The following OSBPL9 variants were observed in gnomAD, a reference collection of about 807,000 sequenced individuals.
The protein encoded by OSBPL9 is oxysterol binding protein like 9.
OSBPL9 carries 40 observed loss-of-function variants against 106.6 expected under a neutral mutation model. That is an observed-to-expected ratio of 0.38 (90% CI 0.29 to 0.49). The LOEUF (loss-of-function observed/expected upper bound fraction) is 0.49. OSBPL9 is among the 20% of genes least tolerant of loss of function. OSBPL9 has a pLI of 0.97. For synonymous variants in OSBPL9, 269 were observed against 295.4 expected (o/e 0.91, Z 0.92); for missense variants, 609 against 887.2 (o/e 0.69, Z 3.98).
At chr1:51,559,362 A>T in the OSBPL9 span, among the ~76,000 whole-genome samples, 3 of 152,024 alleles carry the variant, frequency 2.0e-5, no homozygotes, top group Non-Finnish European at 4.4e-5. Context: ...AGAAGAAAAC[A>T]TGCTCGCAAG....
At chr1:51,603,109 C>T (rs905774419) in intron 2 of OSBPL9, among the ~76,000 whole-genome samples, 7 of 152,142 alleles carry the variant, frequency 4.6e-5, no homozygotes, top group Admixed American at 3.3e-4. Flanking sequence ...GAGCCATGAT[C>T]GTGCCACTGT....
chr1:51,701,187 G>A (rs1415564653), intron 3 of OSBPL9, among the ~76,000 whole-genome samples: 1 of 152,086 alleles, frequency 6.6e-6, no homozygotes, highest in Non-Finnish European at 1.5e-5. Flanking sequence ...TGATCCACCC[G>A]CCTCGGCCAC....
intron 3 of OSBPL9, among the ~76,000 whole-genome samples, chr1:51,703,675 T>C (rs538667208): frequency 1.7e-4 from 26 of 152,294 alleles, no homozygotes; most frequent in African/African-American, 5.3e-4. Flanking sequence ...TCCAACACTA[T>C]GTTGAATAGG....
intron 9 of OSBPL9, among the ~76,000 whole-genome samples, chr1:51,758,460 A>C (rs1279127473): frequency 6.6e-6 from 1 of 150,942 alleles, no homozygotes; most frequent in Non-Finnish European, 1.5e-5. Context: ...TTTGGGATCC[A>C]CTTGCTTCCT....
intron 2 of OSBPL9, among the ~76,000 whole-genome samples, chr1:51,653,268 GC>G (rs1258844849): frequency 6.6e-6 from 1 of 150,512 alleles, no homozygotes; most frequent in African/African-American, 2.5e-5. Context: ...CTAAGCACTT[GC>G]TGTTGACCTC....
the OSBPL9 span, among the ~76,000 whole-genome samples, chr1:51,534,122 T>A: frequency 6.6e-6 from 1 of 151,656 alleles, no homozygotes; most frequent in Non-Finnish European, 1.5e-5. Context: ...AAGAATCACT[T>A]GAACCCGGGA....
the OSBPL9 span, among the ~76,000 whole-genome samples, chr1:51,522,355 A>G: frequency 6.6e-6 from 1 of 152,216 alleles, no homozygotes; most frequent in Non-Finnish European, 1.5e-5. Context: ...CCAGACCACT[A>G]GTAATTTGTA....
chr1:51,646,452 G>T (rs1167331229), intron 1 of OSBPL9, among the ~76,000 whole-genome samples: 1 of 152,066 alleles, frequency 6.6e-6, no homozygotes, highest in East Asian at 1.9e-4. Flanking sequence ...ATTAATTTTT[G>T]TTATTGAATT....
At chr1:51,686,208 A>G (rs1450994200) in intron 3 of OSBPL9, among the ~76,000 whole-genome samples, 2 of 152,232 alleles carry the variant, frequency 1.3e-5, no homozygotes, top group Non-Finnish European at 2.9e-5. Context: ...TGCAGGGAGT[A>G]TAATTCTCCT....
At chr1:51,764,536 A>T (rs1275266099) in intron 11 of OSBPL9, among the ~76,000 whole-genome samples, 1 of 151,698 alleles carries the variant, frequency 6.6e-6, no homozygotes, top group East Asian at 1.9e-4. Context: ...CAACTATTGA[A>T]CCATACATAT....
At chr1:51,570,574 A>G in the OSBPL9 span, among the ~76,000 whole-genome samples, 18 of 152,198 alleles carry the variant, frequency 1.2e-4, no homozygotes, top group African/African-American at 4.3e-4. Flanking sequence ...TCACAAATGA[A>G]ATCATGCCAT....
chr1:51,538,878 T>C, the OSBPL9 span: 6,073 of 152,330 alleles, frequency 0.04, 165 homozygotes, highest in East Asian at 0.13. Context: ...TTCTTGAAAC[T>C]TTCTCGTCTC....
At chr1:51,648,971 A>G (rs1283566641) in intron 1 of OSBPL9, among the ~76,000 whole-genome samples, 3 of 152,008 alleles carry the variant, frequency 2.0e-5, no homozygotes, top group East Asian at 1.9e-4. Context: ...TAAGAATGCT[A>G]TTGCCCTCTT....
intron 2 of OSBPL9, among the ~76,000 whole-genome samples, chr1:51,653,780 A>G (rs746684638): frequency 6.6e-6 from 1 of 152,352 alleles, no homozygotes. Context: ...GCAGAGGATC[A>G]TTTGAGCCCA....
At chr1:51,521,298 C>A in the OSBPL9 span, among the ~76,000 whole-genome samples, 1 of 152,170 alleles carries the variant, frequency 6.6e-6, no homozygotes, top group Non-Finnish European at 1.5e-5. Flanking sequence ...ATTATGAAAT[C>A]TGAAAATCAT....
At chr1:51,639,797 C>T (rs1393004843) in intron 1 of OSBPL9, among the ~76,000 whole-genome samples, 7 of 134,918 alleles carry the variant, frequency 5.2e-5, no homozygotes, top group Non-Finnish European at 7.8e-5. Flanking sequence ...GTAACAGATT[C>T]GGGGAGGCAT....
chr1:51,624,551 C>T (rs1247411390), intron 1 of OSBPL9, among the ~76,000 whole-genome samples: 1 of 151,856 alleles, frequency 6.6e-6, no homozygotes, highest in East Asian at 1.9e-4. Context: ...CGCCACTGCA[C>T]TCTAGCCTGG....
intron 9 of OSBPL9, among the ~76,000 whole-genome samples, chr1:51,758,522 C>T (rs72900008): frequency 5.3e-5 from 8 of 151,580 alleles, no homozygotes; most frequent in African/African-American, 1.9e-4. Context: ...TTGGTTTGGT[C>T]TAATCTGTTG....
chr1:51,718,220 G>A (rs987115211), intron 4 of OSBPL9, among the ~76,000 whole-genome samples: 8 of 152,244 alleles, frequency 5.3e-5, no homozygotes, highest in African/African-American at 1.2e-4. Context: ...GTGGTTGGGC[G>A]TATAAGTGTA....
Sources: allele counts gnomAD v4.1 joint callset (sites outside exome capture counted in the v4.1 genomes callset), GRCh38; gene constraint gnomAD v4.1.1; transcripts MANE v1.5; gene names NCBI Gene and HGNC (gene_info 2026-07-23, HGNC 2026-07-21).